Variants in UXS1 observed in about 807,000 individuals in gnomAD.
The protein encoded by UXS1 is UDP-glucuronate decarboxylase 1, also known as UDP-glucuronic acid decarboxylase 1.
Under a neutral mutation model 62.6 loss-of-function variants are expected in UXS1, and 33 were observed. The observed-to-expected ratio is 0.53, with a 90% confidence interval of 0.40 to 0.70. The LOEUF (loss-of-function observed/expected upper bound fraction) is 0.70. Ranked by LOEUF, UXS1 falls within the 30% of genes least tolerant of loss-of-function variation. UXS1 has a pLI of 0.00. For missense variants in UXS1, 434 were observed against 556.3 expected, an observed-to-expected ratio of 0.78 and a Z score of 2.21; for synonymous variants, 213 against 206.8, an observed-to-expected ratio of 1.03 and a Z score of -0.26.
At chr2:106,113,258 G>A (rs1321749477) in intron 9 of UXS1, among the ~76,000 whole-genome samples, 1 of 151,266 alleles carries the variant, frequency 6.6e-6, no homozygotes, top group Non-Finnish European at 1.5e-5. Context: ...ACACAGAAAC[G>A]TTCTTACTGA....
At chr2:106,094,518 C>A (rs1224677870) in intron 14 of UXS1, among the ~76,000 whole-genome samples, 1 of 152,200 alleles carries the variant, frequency 6.6e-6, no homozygotes, top group Non-Finnish European at 1.5e-5. Flanking sequence ...CCCATGTGCC[C>A]CATTCTTTCA....
At chr2:106,159,961 G>A (rs1019976243) in intron 4 of UXS1, 6 of 152,160 alleles carry the variant, frequency 3.9e-5, no homozygotes, top group African/African-American at 1.4e-4. Flanking sequence ...GAGAGTCTGA[G>A]GGCAAGGGTG....
intron 6 of UXS1, among the ~76,000 whole-genome samples, chr2:106,130,966 G>A (rs925343691): frequency 6.6e-6 from 1 of 152,100 alleles, no homozygotes; most frequent in African/African-American, 2.4e-5. Context: ...GCAGAAGACG[G>A]GTGATTTCTG....
chr2:106,128,750 T>C (rs1037904382), intron 7 of UXS1, among the ~76,000 whole-genome samples: 11 of 152,198 alleles, frequency 7.2e-5, no homozygotes, highest in African/African-American at 2.7e-4. Flanking sequence ...ATTGGTTCTG[T>C]TCTTCTGTAG....
At chr2:106,144,766 A>G (rs577808654) in intron 6 of UXS1, among the ~76,000 whole-genome samples, 224 of 152,244 alleles carry the variant, frequency 1.5e-3, no homozygotes, top group African/African-American at 5.2e-3. Flanking sequence ...GGGTTTTCCC[A>G]GGCCTCTTTT....
At chr2:106,151,813 A>G (rs1682036612) in intron 5 of UXS1, among the ~76,000 whole-genome samples, 1 of 152,258 alleles carries the variant, frequency 6.6e-6, no homozygotes, top group Non-Finnish European at 1.5e-5. Flanking sequence ...GTATTAACAG[A>G]CTTCAGAGTC....
At chr2:106,129,216 A>G (rs1420742031) in intron 7 of UXS1, among the ~76,000 whole-genome samples, 1 of 152,222 alleles carries the variant, frequency 6.6e-6, no homozygotes, top group Non-Finnish European at 1.5e-5. Flanking sequence ...GTCTCCATCC[A>G]TTCCTTCAAG....
At chr2:106,137,366 A>G (rs1680742905) in intron 6 of UXS1, among the ~76,000 whole-genome samples, 1 of 152,194 alleles carries the variant, frequency 6.6e-6, no homozygotes, top group Non-Finnish European at 1.5e-5. Context: ...TGCTACACCT[A>G]CTTCCAAGCT....
chr2:106,124,516 G>A (rs992069931), intron 8 of UXS1, among the ~76,000 whole-genome samples: 1 of 152,180 alleles, frequency 6.6e-6, no homozygotes, highest in Non-Finnish European at 1.5e-5. Flanking sequence ...CTCCACAAAA[G>A]TTTACTTTGG....
At chr2:106,178,583 T>C (rs1291215411) in intron 1 of UXS1, among the ~76,000 whole-genome samples, 1 of 152,072 alleles carries the variant, frequency 6.6e-6, no homozygotes, top group Non-Finnish European at 1.5e-5. Context: ...TATATATGTG[T>C]ATATGTACAT....
rs1246295021 is a variant in UXS1 at position 106,094,009 on chromosome 2, TC to T, written c.*16del. 5 of 1,601,826 alleles carry T rather than the reference TC, an allele frequency of 3.1e-6. No individual in the cohort carries two copies. Among genetic ancestry groups the T allele is most frequent in the Non-Finnish European group, 4.2e-6 (5 of 1,176,712 alleles). ...TCAAGTGTACAATGGTAGTCTTGTG[TC>T]CTAAAAGTGAGGAGTTCAGCTGTGG... On this transcript the variant is annotated 3_prime_UTR_variant, in exon 15 of 15. Coordinates refer to ENST00000283148, the MANE Select transcript of UXS1 (RefSeq NM_001253875.2).
rs575454007 is a variant in UXS1, at chr2:106,192,902, T to C, written c.94+1246A>G. 3.0e-4 allele frequency among the ~76,000 whole-genome samples: 46 copies of C among 152,300 alleles called. 1 individual carries two copies. Among genetic ancestry groups the C allele is most frequent in the African/African-American group, 1.0e-3 (42 of 41,552 alleles). ...AAGCACTCAACAAATGTAGGTAGTA[T>C]TACTGCCATAATAATAGTTATTCAA... On this transcript the variant is annotated intron_variant, in intron 1 of 14. Coordinates refer to ENST00000283148, the MANE Select transcript of UXS1 (RefSeq NM_001253875.2).
intron 1 of UXS1, among the ~76,000 whole-genome samples, chr2:106,192,555 CA>C (rs11308303): frequency 0.94 from 122,865 of 130,072 alleles, 57,970 homozygotes; most frequent in East Asian, 0.98. Flanking sequence ...GACTCCGTCT[CA>C]AAAAAAAAAA....
At chr2:106,097,254 C>T (rs1346096646) in intron 13 of UXS1, 8 of 454,984 alleles carry the variant, frequency 1.8e-5, no homozygotes, top group African/African-American at 2.0e-5. Flanking sequence ...CCTGGGTGCT[C>T]GGAGCCTAGA....
At chr2:106,097,259 C>A (rs1396432684) in intron 13 of UXS1, 1 of 453,424 alleles carries the variant, frequency 2.2e-6, no homozygotes, top group East Asian at 7.0e-5. Flanking sequence ...GTGCTCGGAG[C>A]CTAGACAGCC....
chr2:106,164,600 A>C, intron 3 of UXS1, 136 bp downstream of exon 3: 2 of 611,684 alleles, frequency 3.3e-6, no homozygotes, highest in South Asian at 4.4e-5. Context: ...TAAATAAGGG[A>C]GTAATTTTTT....
intron 1 of UXS1, among the ~76,000 whole-genome samples, chr2:106,173,124 A>C (rs1327401264): frequency 6.6e-6 from 1 of 152,232 alleles, no homozygotes; most frequent in East Asian, 1.9e-4. Flanking sequence ...TAAGCTCCAC[A>C]GCAGCAACAA....
chr2:106,108,954 TGATCACCCTCGAC>T (rs1558683211), intron 10 of UXS1, among the ~76,000 whole-genome samples: 1 of 144,676 alleles, frequency 6.9e-6, no homozygotes, highest in Non-Finnish European at 1.5e-5. Flanking sequence ...CCTCGATATC[TGATCACCCTCGAC>T]ATCTGACATT....
At chr2:106,115,149 G>GCCAC (rs554701632) in intron 9 of UXS1, among the ~76,000 whole-genome samples, 117 of 152,316 alleles carry the variant, frequency 7.7e-4, no homozygotes, top group Admixed American at 2.5e-3. Flanking sequence ...CAGTTCAGTT[G>GCCAC]CCACCCACAT....
Sources: allele counts gnomAD v4.1 joint callset (sites outside exome capture counted in the v4.1 genomes callset), GRCh38; gene constraint gnomAD v4.1.1; transcripts MANE v1.5; gene names NCBI Gene and HGNC (gene_info 2026-07-23, HGNC 2026-07-21).